Variants in CTBP2 observed in about 807,000 individuals in gnomAD.
CTBP2 encodes the protein C-terminal-binding protein 2.
A neutral mutation model predicts 80.3 loss-of-function variants in CTBP2; 30 were observed. The observed-to-expected ratio is 0.37, with a 90% CI of 0.28 to 0.51. The LOEUF (loss-of-function observed/expected upper bound fraction) is 0.51, where lower values mean the gene tolerates loss of function less well. Among genes scored for constraint, CTBP2 ranks in the 20% least tolerant of loss-of-function variants. The pLI is 0.93. For synonymous variants in CTBP2, 594 were observed against 587.4 expected, an observed-to-expected ratio of 1.01 and a Z score of -0.16; for missense variants, 1,212 against 1,375.3, an observed-to-expected ratio of 0.88 and a Z score of 1.88.
At chr10:125,102,302 G>GA (rs1850754015) in intron 2 of CTBP2, among the ~76,000 whole-genome samples, 1 of 152,228 alleles carries the variant, frequency 6.6e-6, no homozygotes, top group Admixed American at 6.5e-5. Context: ...TGTGCAATTA[G>GA]AATCATTACC....
At chr10:125,077,829 C>T (rs1452943252) in intron 2 of CTBP2, among the ~76,000 whole-genome samples, 1 of 152,168 alleles carries the variant, frequency 6.6e-6, no homozygotes, top group Non-Finnish European at 1.5e-5. Flanking sequence ...CCAAACGGGG[C>T]CACCATTTGG....
At chr10:125,144,348 T>C (rs971911090) in intron 1 of CTBP2, among the ~76,000 whole-genome samples, 9 of 152,358 alleles carry the variant, frequency 5.9e-5, no homozygotes, top group South Asian at 2.1e-4. Context: ...CGATCATTAA[T>C]TAACTGTGAG....
intron 2 of CTBP2, among the ~76,000 whole-genome samples, chr10:125,050,573 C>T (rs1962482436): frequency 1.3e-5 from 2 of 152,030 alleles, no homozygotes; most frequent in African/African-American, 4.8e-5. Flanking sequence ...ACTCCCGTGT[C>T]ACACAAATTC....
intron 1 of CTBP2, among the ~76,000 whole-genome samples, chr10:125,012,638 ATTG>A (rs543329188): frequency 1.3e-5 from 2 of 152,138 alleles, no homozygotes; most frequent in Non-Finnish European, 2.9e-5. Flanking sequence ...AAGACTAAAA[ATTG>A]TTGTTGTTGT....
intron 3 of CTBP2, chr10:125,001,043 C>T (rs926743779): frequency 4.6e-5 from 7 of 152,314 alleles, no homozygotes; most frequent in East Asian, 3.8e-4. Context: ...TGGTCCTGGT[C>T]GTCTTCTGTG....
intron 1 of CTBP2, among the ~76,000 whole-genome samples, chr10:125,123,701 C>T (rs10901863): frequency 0.23 from 35,402 of 152,124 alleles, 4,577 homozygotes; most frequent in Middle Eastern, 0.33. Context: ...CGGGGTGCAT[C>T]CTGTCTCTCG....
At chr10:125,008,664 C>G (rs1017345911) in intron 1 of CTBP2, among the ~76,000 whole-genome samples, 3 of 152,230 alleles carry the variant, frequency 2.0e-5, no homozygotes, top group Non-Finnish European at 4.4e-5. Context: ...CAAGCAGCTC[C>G]GAGCTGTACA....
chr10:125,107,091 C>T (rs1460604573), intron 2 of CTBP2, among the ~76,000 whole-genome samples: 2 of 152,244 alleles, frequency 1.3e-5, no homozygotes, highest in African/African-American at 4.8e-5. Flanking sequence ...GCATAACTCA[C>T]ATCCAGAAGG....
At chr10:125,086,613 T>TAAAAAA (rs66522424) in intron 2 of CTBP2, among the ~76,000 whole-genome samples, 1 of 116,434 alleles carries the variant, frequency 8.6e-6, no homozygotes. Context: ...AAATTTTATT[T>TAAAAAA]AAAAAAAAAA....
At chr10:125,019,777 G>A (rs191141769) in intron 1 of CTBP2, among the ~76,000 whole-genome samples, 5 of 152,272 alleles carry the variant, frequency 3.3e-5, no homozygotes, top group East Asian at 1.9e-4. Flanking sequence ...TCACACCAAC[G>A]GCATAAGCAA....
intron 8 of CTBP2, among the ~76,000 whole-genome samples, chr10:124,990,043 T>TA (rs1429779850): frequency 7.3e-6 from 1 of 136,984 alleles, no homozygotes; most frequent in Non-Finnish European, 1.6e-5. Context: ...TGGCTAATAG[T>TA]TTTTTTTTTT....
At chr10:125,084,583 C>T (rs12762037) in intron 2 of CTBP2, among the ~76,000 whole-genome samples, 22,484 of 152,112 alleles carry the variant, frequency 0.15, 1,757 homozygotes, top group Middle Eastern at 0.24. Flanking sequence ...CTGAGGTTCA[C>T]ACCACCTCAG....
At chr10:125,134,928 C>A (rs1462176326) in intron 1 of CTBP2, among the ~76,000 whole-genome samples, 1 of 147,990 alleles carries the variant, frequency 6.8e-6, no homozygotes, top group Admixed American at 6.9e-5. Flanking sequence ...CTCAATAATA[C>A]TAAAACCCAC....
intron 1 of CTBP2, among the ~76,000 whole-genome samples, chr10:125,134,089 C>T (rs949311099): frequency 1.3e-5 from 2 of 152,170 alleles, no homozygotes; most frequent in African/African-American, 2.4e-5. Context: ...GGAAACATTC[C>T]GAAGTCCTGT....
rs1364570319 is a variant in CTBP2, at chr10:125,066,639, G to A, written c.-101-27484C>T. On this transcript the variant is annotated intron_variant, in intron 2 of 10. Coordinates refer to the CTBP2 transcript ENST00000337195. The surrounding 1 kb of genome is among the most constrained non-coding windows in gnomAD (Gnocchi z 4.1). Reference sequence around the variant, plus strand: ...GGGTGACACCTGCACAGAAGCCAGGGAGCACAGTGCACCAACCTTCAGTGT... The same window carrying A: ...GGGTGACACCTGCACAGAAGCCAGGAAGCACAGTGCACCAACCTTCAGTGT... 6.6e-6 allele frequency among the ~76,000 whole-genome samples: 1 copy of A among 152,138 alleles called. No homozygotes were observed. The highest frequency in any genetic ancestry group is 2.4e-5 in the African/African-American group (1 of 41,426).
At chr10:125,128,254 A>C (rs1339085668) in intron 1 of CTBP2, among the ~76,000 whole-genome samples, 1 of 152,216 alleles carries the variant, frequency 6.6e-6, no homozygotes, top group East Asian at 1.9e-4. Flanking sequence ...CACTTCTGTC[A>C]GTCATGAATG....
At chr10:125,056,178 ATAATAATAATAATAATAG>A (rs1321117938) in intron 2 of CTBP2, among the ~76,000 whole-genome samples, 2 of 146,396 alleles carry the variant, frequency 1.4e-5, no homozygotes, top group Middle Eastern at 3.6e-3. Context: ...AATAAAAATA[ATAATAATAATAATAATAG>A]TAATAATAAT....
rs562886555 is a variant in CTBP2, at chr10:125,066,461, G to T, written c.-101-27306C>A. Reference sequence around the variant, plus strand: ...GGCAAGCAGGGTGCGCAGATGTAACGGGGGAAGCAGGCACGGCCAAGCACC... The same window carrying T: ...GGCAAGCAGGGTGCGCAGATGTAACTGGGGAAGCAGGCACGGCCAAGCACC... On this transcript the variant is annotated intron_variant, in intron 2 of 10. Transcript: ENST00000337195. The surrounding 1 kb of genome is among the most constrained non-coding windows in gnomAD (Gnocchi z 4.1). 1.1e-4 allele frequency among the ~76,000 whole-genome samples: 17 copies of T among 152,178 alleles called. No homozygotes were observed. The highest frequency in any genetic ancestry group is 2.4e-4 in the Non-Finnish European group (16 of 68,040).
In CTBP2 at chr10:124,992,831, A is replaced by T; in HGVS notation, c.2660-19T>A. 6.5e-7 allele frequency: 1 copy of T among 1,536,844 alleles called. No homozygotes were observed. Among genetic ancestry groups the T allele is most frequent in the Non-Finnish European group, 9.0e-7 (1 of 1,115,592 alleles). ...ATGCGACCTAGGGTAAGATGATTAA[A>T]ATTAATCATATTATTTTTACAAATC... On this transcript the variant is annotated intron_variant, in intron 7 of 8. Transcript: ENST00000309035.
Sources: allele counts gnomAD v4.1 joint callset (sites outside exome capture counted in the v4.1 genomes callset), GRCh38; gene constraint gnomAD v4.1.1; non-coding constraint Gnocchi (gnomAD v3.1); transcripts MANE v1.5; gene names NCBI Gene and HGNC (gene_info 2026-07-23, HGNC 2026-07-21).